ZC3H12B: variants seen among roughly 807,000 people sequenced by gnomAD.
The protein encoded by ZC3H12B is probable ribonuclease ZC3H12B.
ZC3H12B carries 7 observed loss-of-function variants against 43.9 expected under a neutral mutation model. The ratio of observed to expected loss-of-function variants is 0.16; its 90% CI spans 0.09 to 0.30. ZC3H12B has a LOEUF of 0.30. Ranked by LOEUF, ZC3H12B falls within the 10% of genes least tolerant of loss-of-function variation. ZC3H12B has a pLI of 1.00. For missense variants in ZC3H12B, 475 were observed against 670.2 expected (o/e 0.71, Z 3.22); for synonymous variants, 222 against 241.7 (o/e 0.92, Z 0.76).
At chrX:65,225,692 A>G in the ZC3H12B span, among the ~76,000 whole-genome samples, 1 of 112,442 alleles carries the variant, frequency 8.9e-6, no homozygotes, top group Non-Finnish European at 1.9e-5. Flanking sequence ...GAGGTGATGG[A>G]GCTGAAAGCC....
chrX:65,149,926 G>C, the ZC3H12B span, among the ~76,000 whole-genome samples: 7 of 109,593 alleles, frequency 6.4e-5, no homozygotes, highest in African/African-American at 2.3e-4. Flanking sequence ...ACCACACATT[G>C]TCCAAGTAAA....
At chrX:65,119,060 T>G in the ZC3H12B span, among the ~76,000 whole-genome samples, 1 of 111,258 alleles carries the variant, frequency 9.0e-6, no homozygotes, top group Non-Finnish European at 1.9e-5. Context: ...TGTTGGACAT[T>G]TGGGTTGGTT....
At chrX:65,267,272 A>G in the ZC3H12B span, among the ~76,000 whole-genome samples, 1 of 108,287 alleles carries the variant, frequency 9.2e-6, no homozygotes, top group African/African-American at 3.4e-5. Context: ...TAAGCTGACA[A>G]AACACAGTAT....
chrX:65,327,113 C>T, the ZC3H12B span, among the ~76,000 whole-genome samples: 1 of 111,087 alleles, frequency 9.0e-6, no homozygotes, highest in African/African-American at 3.3e-5. Flanking sequence ...TCCAGCAATC[C>T]CACTTCTAGG....
chrX:65,077,672 C>T, the ZC3H12B span, among the ~76,000 whole-genome samples: 1 of 112,057 alleles, frequency 8.9e-6, no homozygotes, highest in South Asian at 3.7e-4. Context: ...TCCACTAGGT[C>T]TCTGTTGGGC....
At chrX:65,416,533 G>A (rs1235878647) in intron 3 of ZC3H12B, among the ~76,000 whole-genome samples, 2 of 110,138 alleles carry the variant, frequency 1.8e-5, no homozygotes, top group Non-Finnish European at 3.8e-5. Context: ...TGTAATCCCA[G>A]CACTTTGGGA....
chrX:65,343,239 C>T, the ZC3H12B span, among the ~76,000 whole-genome samples: 1,640 of 110,904 alleles, frequency 0.015, 40 homozygotes, highest in African/African-American at 0.052. Context: ...CAAGCTCTGC[C>T]CAGATGTATA....
At chrX:65,083,110 C>G in the ZC3H12B span, among the ~76,000 whole-genome samples, 1 of 110,976 alleles carries the variant, frequency 9.0e-6, no homozygotes, top group Non-Finnish European at 1.9e-5. Context: ...AGGAACTTAC[C>G]TCAAGATAAT....
chrX:65,383,951 G>C (rs1294447095), intron 2 of ZC3H12B, among the ~76,000 whole-genome samples: 2 of 95,561 alleles, frequency 2.1e-5, no homozygotes, highest in African/African-American at 7.5e-5. Flanking sequence ...CATTGTGGAA[G>C]TCAGTGTGGC....
At chrX:65,072,473 G>T in the ZC3H12B span, among the ~76,000 whole-genome samples, 2 of 112,544 alleles carry the variant, frequency 1.8e-5, no homozygotes, top group Non-Finnish European at 3.8e-5. Flanking sequence ...GGCTTTTTGA[G>T]CTGTCAGGTT....
At chrX:65,137,084 G>A in the ZC3H12B span, among the ~76,000 whole-genome samples, 9 of 111,389 alleles carry the variant, frequency 8.1e-5, no homozygotes, top group Non-Finnish European at 1.1e-4. Flanking sequence ...GATTATTTCC[G>A]CTGAAAGACT....
At chrX:65,406,852 C>T (rs1249702154) in intron 3 of ZC3H12B, among the ~76,000 whole-genome samples, 1 of 112,670 alleles carries the variant, frequency 8.9e-6, no homozygotes, top group Non-Finnish European at 1.9e-5. Flanking sequence ...CCAGCCCGGA[C>T]CTCCGTCGTC....
the ZC3H12B span, among the ~76,000 whole-genome samples, chrX:65,205,020 C>T: frequency 8.9e-6 from 1 of 111,757 alleles, no homozygotes; most frequent in African/African-American, 3.2e-5. Context: ...TGTAGTAATC[C>T]ATTATCTGCC....
intron 1 of ZC3H12B, among the ~76,000 whole-genome samples, chrX:65,367,587 T>A (rs1048366152): frequency 8.9e-6 from 1 of 111,870 alleles, no homozygotes; most frequent in Non-Finnish European, 1.9e-5. Flanking sequence ...ATTTTTTTTT[T>A]ACCTATCCAG....
chrX:65,245,748 G>A, the ZC3H12B span, among the ~76,000 whole-genome samples: 3 of 111,107 alleles, frequency 2.7e-5, no homozygotes, highest in South Asian at 1.1e-3. Flanking sequence ...ATACTGAATG[G>A]GCAAAATCTG....
At chrX:65,154,250 AT>A in the ZC3H12B span, among the ~76,000 whole-genome samples, 1 of 112,451 alleles carries the variant, frequency 8.9e-6, no homozygotes, top group African/African-American at 3.2e-5. Flanking sequence ...ATTTAAAAAA[AT>A]AAATTAAAAA....
the ZC3H12B span, among the ~76,000 whole-genome samples, chrX:65,122,603 A>G: frequency 9.0e-6 from 1 of 111,384 alleles, no homozygotes; most frequent in Non-Finnish European, 1.9e-5. Flanking sequence ...TTGGATAAAG[A>G]GTCAAGACCC....
chrX:65,358,635 C>G, the ZC3H12B span, among the ~76,000 whole-genome samples: 1 of 110,877 alleles, frequency 9.0e-6, no homozygotes, highest in South Asian at 3.8e-4. Context: ...TTGAAACCAA[C>G]GAGAACAAGG....
the ZC3H12B span, among the ~76,000 whole-genome samples, chrX:65,131,065 G>T: frequency 8.9e-6 from 1 of 112,066 alleles, no homozygotes; most frequent in South Asian, 3.7e-4. Context: ...AGTGGTGCAG[G>T]ATATGGAAGG....
Sources: gnomAD v4.1 joint callset for allele counts (sites outside exome capture counted in the v4.1 genomes callset) on GRCh38, gnomAD v4.1.1 for gene constraint, MANE v1.5 for transcripts, NCBI Gene and HGNC (gene_info 2026-07-23, HGNC 2026-07-21) for gene names.